Variants in OXR1 observed in about 807,000 individuals in gnomAD.
The protein encoded by OXR1 is oxidation resistance protein 1.
A neutral mutation model predicts 104.6 loss-of-function variants in OXR1; 41 were observed. That is an observed-to-expected ratio of 0.39 (90% confidence interval 0.31 to 0.51). The LOEUF is 0.51. Ranked by LOEUF, OXR1 falls within the 20% of genes least tolerant of loss-of-function variation. The pLI is 0.77. For synonymous variants in OXR1, 348 were observed against 348.4 expected (o/e 1.00, Z 0.01); for missense variants, 955 against 1,031.9 (o/e 0.93, Z 1.02).
intron 2 of OXR1, among the ~76,000 whole-genome samples, chr8:106,428,956 C>CCT (rs1819247420): frequency 6.6e-6 from 1 of 152,132 alleles, no homozygotes; most frequent in African/African-American, 2.4e-5. Context: ...CAATGCTTAT[C>CCT]CTCTCAACCA....
chr8:106,372,431 T>C (rs1816749863), intron 2 of OXR1, among the ~76,000 whole-genome samples: 1 of 151,902 alleles, frequency 6.6e-6, no homozygotes, highest in Non-Finnish European at 1.5e-5. Flanking sequence ...GATGGCAGCC[T>C]TAGAACACTG....
At chr8:106,671,768 C>T (rs552849729) in intron 3 of OXR1, among the ~76,000 whole-genome samples, 458 of 136,714 alleles carry the variant, frequency 3.4e-3, no homozygotes, top group Non-Finnish European at 5.6e-3. Context: ...AATTGAAGAA[C>T]GAGAACACTT....
intron 3 of OXR1, among the ~76,000 whole-genome samples, chr8:106,534,346 T>C (rs1304846565): frequency 6.6e-6 from 1 of 152,224 alleles, no homozygotes; most frequent in Non-Finnish European, 1.5e-5. Context: ...ACACGTGTGT[T>C]CCTTTCCCAG....
At chr8:106,693,360 C>T (rs1342838958) in intron 7 of OXR1, among the ~76,000 whole-genome samples, 1 of 148,708 alleles carries the variant, frequency 6.7e-6, no homozygotes, top group South Asian at 2.1e-4. Context: ...AGGAAGGGTT[C>T]ATAGGAAAGG....
At chr8:106,399,648 G>A (rs1356986617) in intron 2 of OXR1, among the ~76,000 whole-genome samples, 8 of 152,124 alleles carry the variant, frequency 5.3e-5, no homozygotes, top group Non-Finnish European at 1.0e-4. Flanking sequence ...AGTCATACAG[G>A]GATGGGATTC....
intron 3 of OXR1, among the ~76,000 whole-genome samples, chr8:106,529,692 G>A (rs760452484): frequency 1.3e-5 from 2 of 152,130 alleles, no homozygotes; most frequent in Non-Finnish European, 2.9e-5. Flanking sequence ...AAGAAACACA[G>A]CTTAATCATG....
intron 6 of OXR1, among the ~76,000 whole-genome samples, chr8:106,690,966 AAATAC>A (rs992455513): frequency 6.6e-6 from 1 of 152,012 alleles, no homozygotes; most frequent in African/African-American, 2.4e-5. Context: ...AAAAGAGGAA[AAATAC>A]AATAAAGCCA....
At chr8:106,746,192 T>C (rs1417970512) in intron 16 of OXR1, among the ~76,000 whole-genome samples, 2 of 137,864 alleles carry the variant, frequency 1.5e-5, no homozygotes, top group Admixed American at 7.1e-5. Flanking sequence ...TTTAAATAAC[T>C]GTGATGGAAT....
intron 11 of OXR1, among the ~76,000 whole-genome samples, chr8:106,732,135 T>C (rs1048191083): frequency 3.9e-5 from 6 of 152,182 alleles, no homozygotes; most frequent in Non-Finnish European, 2.9e-5. Flanking sequence ...ATTTACATTA[T>C]GCTAATATAA....
At chr8:106,708,410 T>G (rs1362227401) in intron 9 of OXR1, among the ~76,000 whole-genome samples, 4 of 151,944 alleles carry the variant, frequency 2.6e-5, no homozygotes, top group Non-Finnish European at 5.9e-5. Context: ...AACAAAAAAA[T>G]AAAAAACAAA....
chr8:106,314,938 G>C (rs1359946477), intron 1 of OXR1, among the ~76,000 whole-genome samples: 1 of 152,128 alleles, frequency 6.6e-6, no homozygotes, highest in Non-Finnish European at 1.5e-5. Flanking sequence ...GTAGTGCTTA[G>C]TGAGTAAGTA....
At chr8:106,300,075 T>C (rs529044164) in intron 1 of OXR1, among the ~76,000 whole-genome samples, 1 of 152,316 alleles carries the variant, frequency 6.6e-6, no homozygotes, top group South Asian at 2.1e-4. Flanking sequence ...TAGTTCTTTA[T>C]AGTTATGGTA....
intron 3 of OXR1, among the ~76,000 whole-genome samples, chr8:106,646,381 T>G (rs1382343385): frequency 6.6e-6 from 1 of 152,126 alleles, no homozygotes; most frequent in Non-Finnish European, 1.5e-5. Flanking sequence ...GTGCTGGAAT[T>G]ACAGGCATGA....
chr8:106,652,872 G>T (rs1237151917), intron 3 of OXR1, among the ~76,000 whole-genome samples: 3 of 151,336 alleles, frequency 2.0e-5, no homozygotes, highest in Admixed American at 6.6e-5. Flanking sequence ...AATTGACAAA[G>T]ATTTAGATCG....
chr8:106,334,420 C>T (rs1389836173), intron 1 of OXR1, among the ~76,000 whole-genome samples: 1 of 152,018 alleles, frequency 6.6e-6, no homozygotes, highest in Non-Finnish European at 1.5e-5. Flanking sequence ...ACTCTTGATG[C>T]CTTTTATTTC....
chr8:106,592,462 T>C lies in OXR1; in HGVS notation c.220+73323T>C, dbSNP rs533072255. ...CTACTTCACTTTACAGATGAAGATA[T>C]TGAGGCAGGGCTAGAATGATCCTAA... On this transcript the variant is annotated intron_variant, in intron 3 of 16. Transcript: ENST00000517566. Among the ~76,000 whole-genome samples the C allele has an allele frequency of 4.6e-5, 7 of 152,268 alleles. 1 individual carries two copies. The highest frequency in any genetic ancestry group is 1.3e-4 in the Admixed American group (2 of 15,294).
chr8:106,347,791 C>T (rs1650268296), intron 1 of OXR1, among the ~76,000 whole-genome samples: 1 of 152,072 alleles, frequency 6.6e-6, no homozygotes, highest in Non-Finnish European at 1.5e-5. Context: ...AAAGGGGGCT[C>T]TCTGATTCCC....
chr8:106,654,172 T>A (rs1824859347), intron 3 of OXR1, among the ~76,000 whole-genome samples: 2 of 152,076 alleles, frequency 1.3e-5, no homozygotes, highest in Admixed American at 1.3e-4. Flanking sequence ...TACAACTGAC[T>A]TTTTTCTTTG....
chr8:106,539,439 C>T (rs183924960), intron 3 of OXR1, among the ~76,000 whole-genome samples: 188 of 152,184 alleles, frequency 1.2e-3, no homozygotes, highest in African/African-American at 3.6e-3. Flanking sequence ...AAACTAAATA[C>T]GACTTCTATA....
Sources: allele counts gnomAD v4.1 joint callset (sites outside exome capture counted in the v4.1 genomes callset), GRCh38; gene constraint gnomAD v4.1.1; transcripts MANE v1.5; gene names NCBI Gene and HGNC (gene_info 2026-07-23, HGNC 2026-07-21).